RPAP2: variants seen among roughly 807,000 people sequenced by gnomAD.
RPAP2 encodes the protein RNA polymerase II associated protein 2, also known as putative RNA polymerase II subunit B1 CTD phosphatase RPAP2.
A neutral mutation model predicts 73.1 loss-of-function variants in RPAP2; 52 were observed. That is an observed-to-expected ratio of 0.71 (90% CI 0.57 to 0.90). The LOEUF is 0.90. Among genes scored for constraint, RPAP2 ranks in the 40% least tolerant of loss-of-function variants. The probability of loss-of-function intolerance (pLI) is 0.00; values close to 1 mark genes in which losing one functional copy is unlikely to be tolerated. For missense variants in RPAP2, 598 were observed against 701.8 expected, an observed-to-expected ratio of 0.85 and a Z score of 1.67; for synonymous variants, 225 against 242.1, an observed-to-expected ratio of 0.93 and a Z score of 0.65.
Position 92,398,728 on chromosome 1 carries a change from A to G in RPAP2, c.*11717A>G, listed in dbSNP as rs1205176459. The G allele has an allele frequency of 6.6e-6, 1 of 152,110 alleles. No individual in the cohort carries two copies. Among genetic ancestry groups the G allele is most frequent in the Middle Eastern group, 3.2e-3 (1 of 316 alleles). 9.4% of individuals were successfully genotyped at this position (152,110 alleles called of 1,614,324 possible). On this transcript the variant is annotated 3_prime_UTR_variant, in exon 13 of 13. Transcript: ENST00000610020. The stretch of plus-strand genomic sequence containing the variant: ...GCTCCAGTGTGCATGCACTCTCATC[A>G]AAGCCCTAGTCAGGAATCCCAGCCA...
intron 5 of RPAP2, 69 bp downstream of exon 5, chr1:92,304,418 T>C: frequency 1.3e-6 from 1 of 793,510 alleles, no homozygotes; most frequent in Non-Finnish European, 2.0e-6. Context: ...TAACAAGGCA[T>C]GGCAATTAAT....
At chr1:92,361,033 T>G (rs1337014693) in intron 11 of RPAP2, among the ~76,000 whole-genome samples, 1 of 151,396 alleles carries the variant, frequency 6.6e-6, no homozygotes, top group Non-Finnish European at 1.5e-5. Context: ...GACCCACAAG[T>G]CGGTTTTAGG....
chr1:92,397,894 CGCCTGTAATCCCAGCACTTT>C lies in RPAP2; in HGVS notation c.*10885_*10904del, dbSNP rs1175466360. ...CTCCCTGGCCGGGCACGGTGGCTCA[CGCCTGTAATCCCAGCACTTT>C]GGGAGACTGAGGTGGGAGGATGACT... On this transcript the variant is annotated 3_prime_UTR_variant, in exon 13 of 13. Transcript: ENST00000610020. 1 of 152,486 alleles carries C rather than the reference CGCCTGTAATCCCAGCACTTT, an allele frequency of 6.6e-6. No individual in the cohort carries two copies. The highest frequency in any genetic ancestry group is 1.5e-5 in the Non-Finnish European group (1 of 68,328). 9.4% of individuals were successfully genotyped at this position (152,486 alleles called of 1,614,324 possible).
At chr1:92,335,057 A>T (rs573831218) in intron 9 of RPAP2, among the ~76,000 whole-genome samples, 2 of 152,158 alleles carry the variant, frequency 1.3e-5, no homozygotes, top group Non-Finnish European at 2.9e-5. Context: ...GAAGTGGAGG[A>T]TCGCTTGAGC....
intron 8 of RPAP2, chr1:92,333,149 T>A: frequency 2.2e-6 from 1 of 445,236 alleles, no homozygotes; most frequent in Non-Finnish European, 4.0e-6. Context: ...AAAGGAGGTA[T>A]TAATATCCCA....
At chr1:92,379,746 C>A (rs1294877253) in intron 11 of RPAP2, among the ~76,000 whole-genome samples, 1 of 150,210 alleles carries the variant, frequency 6.7e-6, no homozygotes, top group African/African-American at 2.5e-5. Context: ...ACCAGCCTGG[C>A]CAACATGGTG....
Position 92,388,532 on chromosome 1 carries a change from G to C in RPAP2, c.*1521G>C, listed in dbSNP as rs924691205. On this transcript the variant is annotated 3_prime_UTR_variant, in exon 13 of 13. Coordinates refer to ENST00000610020, the MANE Select transcript of RPAP2 (RefSeq NM_024813.3). ...TGGGACTGGCTGGACAGTGGGTGTA[G>C]CCCACAGAGGGTTAGCCGAAGCAAG... 12 of 152,408 alleles carry C rather than the reference G, an allele frequency of 7.9e-5. No individual in the cohort carries two copies. The highest frequency in any genetic ancestry group is 2.6e-4 in the African/African-American group (11 of 41,600). 9.4% of individuals were successfully genotyped at this position (152,408 alleles called of 1,614,324 possible).
In RPAP2 at chr1:92,341,156, A is replaced by G. The variant is rs565421311; in HGVS notation, c.1620-4690A>G. Among the ~76,000 whole-genome samples the G allele has an allele frequency of 2.6e-4, 40 of 152,018 alleles. 1 individual carries two copies. The South Asian group carries it at 8.3e-3, about 32-fold the overall frequency. On this transcript the variant is annotated intron_variant, in intron 10 of 12. Transcript: ENST00000610020. ...CCTGAGTAGCTGGGACTACAGACAC[A>G]CACCAGCATGCCCCGCCAATTTTTG...
At chr1:92,373,441 G>A (rs751246353) in intron 11 of RPAP2, among the ~76,000 whole-genome samples, 8 of 152,114 alleles carry the variant, frequency 5.3e-5, no homozygotes, top group African/African-American at 9.7e-5. Context: ...TCCTCCATCC[G>A]TAAGTGGTCC....
At chr1:92,383,028 T>A (rs1328727404) in intron 12 of RPAP2, among the ~76,000 whole-genome samples, 1 of 152,186 alleles carries the variant, frequency 6.6e-6, no homozygotes, top group Admixed American at 6.5e-5. Flanking sequence ...AATAGGGAAT[T>A]CTTTCCCCAT....
At chr1:92,320,669 A>G (rs368737947) in intron 7 of RPAP2, 35 bp downstream of exon 7, 11 of 1,540,472 alleles carry the variant, frequency 7.1e-6, no homozygotes, top group Non-Finnish European at 5.4e-6. Context: ...CCATTTATAT[A>G]TTTATGTTAA....
Position 92,400,595 on chromosome 1 carries a change from A to G in RPAP2, c.*13584A>G, listed in dbSNP as rs1656291630. On this transcript the variant is annotated 3_prime_UTR_variant, in exon 13 of 13. Coordinates refer to ENST00000610020, the MANE Select transcript of RPAP2 (RefSeq NM_024813.3). ...AGCAATCCTCTCACCTTGGCCTCCC[A>G]AAGTGCTGAGCTTACAGGTGTCAAC... The G allele has an allele frequency of 6.6e-6, 1 of 152,212 alleles. No individual in the cohort carries two copies. The highest frequency in any genetic ancestry group is 2.1e-4 in the South Asian group (1 of 4,828). 9.4% of individuals were successfully genotyped at this position (152,212 alleles called of 1,614,324 possible).
chr1:92,336,083 T>C (rs180917112), intron 9 of RPAP2, among the ~76,000 whole-genome samples: 1 of 152,274 alleles, frequency 6.6e-6, no homozygotes, highest in Non-Finnish European at 1.5e-5. Flanking sequence ...TAAGTAAAAC[T>C]AGGGACAAGA....
chr1:92,381,363 T>A (rs1003232453), intron 12 of RPAP2, among the ~76,000 whole-genome samples: 1 of 152,186 alleles, frequency 6.6e-6, no homozygotes, highest in Non-Finnish European at 1.5e-5. Context: ...CCTAACCCTG[T>A]TCCCAGATAC....
At chr1:92,336,791 G>T (rs1206405706) in intron 10 of RPAP2, among the ~76,000 whole-genome samples, 1 of 152,092 alleles carries the variant, frequency 6.6e-6, no homozygotes, top group East Asian at 1.9e-4. Context: ...AAGAAACATA[G>T]TGCCACCCTA....
intron 12 of RPAP2, among the ~76,000 whole-genome samples, chr1:92,383,182 T>G (rs1169587242): frequency 6.6e-6 from 1 of 152,140 alleles, no homozygotes; most frequent in East Asian, 1.9e-4. Context: ...CCTTGTAGTA[T>G]AGTTTGAAGT....
chr1:92,366,164 G>A (rs1654925998), intron 11 of RPAP2, among the ~76,000 whole-genome samples: 1 of 152,162 alleles, frequency 6.6e-6, no homozygotes. Context: ...TTAGCCGGAT[G>A]TGGTGGTGCT....
chr1:92,316,060 A>G (rs1205668462), intron 6 of RPAP2, among the ~76,000 whole-genome samples: 1 of 152,238 alleles, frequency 6.6e-6, no homozygotes, highest in Admixed American at 6.5e-5. Context: ...AGGCTCTGAC[A>G]AGCCTTTGAA....
chr1:92,350,881 G>A (rs536291279), intron 11 of RPAP2, among the ~76,000 whole-genome samples: 2 of 152,060 alleles, frequency 1.3e-5, no homozygotes, highest in Non-Finnish European at 2.9e-5. Flanking sequence ...GTAGTGAGCT[G>A]AGATGGCACC....
Sources: gnomAD v4.1 joint callset for allele counts (sites outside exome capture counted in the v4.1 genomes callset) on GRCh38, gnomAD v4.1.1 for gene constraint, MANE v1.5 for transcripts, NCBI Gene and HGNC (gene_info 2026-07-23, HGNC 2026-07-21) for gene names.